DCLK2: variants seen among roughly 807,000 people sequenced by gnomAD.
DCLK2 encodes serine/threonine-protein kinase DCLK2.
Under a neutral mutation model 78.4 loss-of-function variants are expected in DCLK2, and 31 were observed. The observed-to-expected ratio is 0.40, with a 90% CI of 0.30 to 0.53. The LOEUF (loss-of-function observed/expected upper bound fraction) is 0.53, where lower values mean the gene tolerates loss of function less well. Ranked by LOEUF, DCLK2 falls within the 20% of genes least tolerant of loss-of-function variation. The pLI is 0.61. For synonymous variants in DCLK2, 407 were observed against 374.9 expected, an observed-to-expected ratio of 1.09 and a Z score of -0.99; for missense variants, 872 against 973.7, an observed-to-expected ratio of 0.90 and a Z score of 1.39.
At chr4:150,179,190 G>C (rs947971916) in intron 2 of DCLK2, among the ~76,000 whole-genome samples, 4 of 152,034 alleles carry the variant, frequency 2.6e-5, no homozygotes, top group Admixed American at 6.5e-5. Flanking sequence ...ACCATGCCTG[G>C]CTAATTTTTT....
chr4:150,152,508 C>T (rs1734973715), intron 2 of DCLK2, among the ~76,000 whole-genome samples: 1 of 152,154 alleles, frequency 6.6e-6, no homozygotes, highest in Admixed American at 6.5e-5. Context: ...TCTTGAACTC[C>T]TGACCTCAGG....
chr4:150,234,446 ACACT>A (rs947411313), intron 10 of DCLK2, among the ~76,000 whole-genome samples: 20 of 152,310 alleles, frequency 1.3e-4, no homozygotes, highest in Admixed American at 9.1e-4. Flanking sequence ...CTGACCACTG[ACACT>A]CACTCAGCTA....
chr4:150,154,686 G>C (rs907106834), intron 2 of DCLK2, among the ~76,000 whole-genome samples: 1 of 152,138 alleles, frequency 6.6e-6, no homozygotes, highest in African/African-American at 2.4e-5. Context: ...GTACAGAAAT[G>C]GAAGTGGGGT....
chr4:150,162,284 G>A (rs115085251), intron 2 of DCLK2, among the ~76,000 whole-genome samples: 16,555 of 151,940 alleles, frequency 0.11, 1,488 homozygotes, highest in South Asian at 0.42. Flanking sequence ...CTCCAACCTC[G>A]GCCTCTCAAA....
chr4:150,177,428 T>C (rs1372400756), intron 2 of DCLK2, among the ~76,000 whole-genome samples: 3 of 152,236 alleles, frequency 2.0e-5, no homozygotes, highest in Admixed American at 6.5e-5. Flanking sequence ...AGAGATGTAG[T>C]CTATGGGCGA....
At chr4:150,210,973 A>G (rs1740263090) in intron 5 of DCLK2, among the ~76,000 whole-genome samples, 1 of 151,358 alleles carries the variant, frequency 6.6e-6, no homozygotes, top group Non-Finnish European at 1.5e-5. Context: ...AGAAAGAAAG[A>G]AAAAGGTTAT....
intron 7 of DCLK2, 57 bp from the exon 8 acceptor site, chr4:150,224,444 A>T: frequency 6.8e-7 from 1 of 1,460,892 alleles, no homozygotes; most frequent in Non-Finnish European, 9.3e-7. Context: ...GAAAGAAAAC[A>T]GGAATGATGG....
At chr4:150,177,195 A>G (rs995497451) in intron 2 of DCLK2, among the ~76,000 whole-genome samples, 1 of 152,100 alleles carries the variant, frequency 6.6e-6, no homozygotes, top group Non-Finnish European at 1.5e-5. Flanking sequence ...AACTCTTTCT[A>G]TGAATCAGTG....
At chr4:150,122,369 A>G (rs558298533) in intron 2 of DCLK2, among the ~76,000 whole-genome samples, 17 of 152,376 alleles carry the variant, frequency 1.1e-4, no homozygotes, top group East Asian at 9.6e-4. Flanking sequence ...ATGCCCGTCA[A>G]TGATAGACTG....
chr4:150,152,124 T>C (rs896591389), intron 2 of DCLK2, among the ~76,000 whole-genome samples: 1 of 152,164 alleles, frequency 6.6e-6, no homozygotes. Context: ...ATTGATTGTA[T>C]AAGAACCAGG....
At chr4:150,180,661 G>C (rs1007874590) in intron 2 of DCLK2, among the ~76,000 whole-genome samples, 1 of 152,090 alleles carries the variant, frequency 6.6e-6, no homozygotes, top group Non-Finnish European at 1.5e-5. Context: ...CAAAGTGAAG[G>C]CATCAGAAAC....
At chr4:150,156,743 T>TTATTTATA in intron 2 of DCLK2, among the ~76,000 whole-genome samples, 1 of 32,448 alleles carries the variant, frequency 3.1e-5, no homozygotes, top group East Asian at 4.8e-4. Flanking sequence ...AGTAACTATT[T>TTATTTATA]TATTTATTTA....
intron 15 of DCLK2, chr4:150,253,352 T>C: frequency 9.7e-7 from 1 of 1,034,000 alleles, no homozygotes; most frequent in South Asian, 1.3e-5. Flanking sequence ...GCTGTCACCC[T>C]AGTGTTCTCA....
At chr4:150,203,920 T>C (rs1308676292) in intron 5 of DCLK2, 31 bp downstream of exon 5, 1 of 1,569,952 alleles carries the variant, frequency 6.4e-7, no homozygotes, top group Admixed American at 1.7e-5. Flanking sequence ...CATATTTGTG[T>C]GATTTTGTTA....
intron 2 of DCLK2, among the ~76,000 whole-genome samples, chr4:150,183,134 T>C (rs1737651575): frequency 6.6e-6 from 1 of 152,356 alleles, no homozygotes; most frequent in African/African-American, 2.4e-5. Flanking sequence ...GCTAGGATTT[T>C]CCCTTTACTC....
At chr4:150,142,805 A>ATTT (rs144401122) in intron 2 of DCLK2, among the ~76,000 whole-genome samples, 7 of 148,266 alleles carry the variant, frequency 4.7e-5, no homozygotes, top group South Asian at 4.3e-4. Context: ...TAAAATGCTG[A>ATTT]TTTTTTTTTT....
chr4:150,087,471 A>G (rs1729728874), intron 1 of DCLK2, among the ~76,000 whole-genome samples: 1 of 152,250 alleles, frequency 6.6e-6, no homozygotes, highest in Non-Finnish European at 1.5e-5. Context: ...GGTTTGCTGA[A>G]AATCACTGAG....
At chr4:150,156,483 A>T (rs867759990) in intron 2 of DCLK2, among the ~76,000 whole-genome samples, 23 of 143,188 alleles carry the variant, frequency 1.6e-4, no homozygotes, top group Middle Eastern at 6.9e-3. Flanking sequence ...CGTCTCTACC[A>T]AAATAAATAA....
Position 150,193,274 on chromosome 4 carries a change from T to G in DCLK2, c.859+34T>G, listed in dbSNP as rs1321062368. The G allele has an allele frequency of 2.9e-6, 4 of 1,394,342 alleles. No individual in the cohort carries two copies. The African/African-American group carries it at 5.7e-5, about 20-fold the overall frequency. 86.4% of individuals were successfully genotyped at this position (1,394,342 alleles called of 1,614,324 possible). The stretch of plus-strand genomic sequence containing the variant: ...ATTCTTCAGCTAATTCATTTTTCCA[T>G]CTTTGTAACCCCTGAAATGAAGGCT... On this transcript the variant is annotated intron_variant, in intron 3 of 15. Transcript: ENST00000296550.
Sources: gnomAD v4.1 joint callset for allele counts (sites outside exome capture counted in the v4.1 genomes callset) on GRCh38, gnomAD v4.1.1 for gene constraint, MANE v1.5 for transcripts, NCBI Gene and HGNC (gene_info 2026-07-23, HGNC 2026-07-21) for gene names.